The following BTC variants were observed in gnomAD, a reference collection of about 807,000 sequenced individuals.
The protein encoded by BTC is probetacellulin.
Under a neutral mutation model 18.1 loss-of-function variants are expected in BTC, and 13 were observed. The observed-to-expected ratio is 0.72, with a 90% CI of 0.47 to 1.14. The LOEUF (loss-of-function observed/expected upper bound fraction) is 1.14, where lower values mean the gene tolerates loss of function less well. Ranked by LOEUF, BTC falls within the 50% of genes most tolerant of loss-of-function variation. The pLI is 0.00. For missense variants in BTC, 247 were observed against 224.2 expected, an observed-to-expected ratio of 1.10 and a Z score of -0.65; for synonymous variants, 83 against 79.4, an observed-to-expected ratio of 1.05 and a Z score of -0.24.
chr4:74,756,070 A>C (rs1553956690), intron 2 of BTC, 94 bp from the exon 3 acceptor site: 1 of 1,158,542 alleles, frequency 8.6e-7, no homozygotes. Flanking sequence ...GTTTCTCTGT[A>C]GAATATGTTT....
chr4:74,767,913 G>A (rs946489859), intron 2 of BTC, among the ~76,000 whole-genome samples: 5 of 152,034 alleles, frequency 3.3e-5, no homozygotes, highest in Admixed American at 1.3e-4. Flanking sequence ...TTTAAGACCC[G>A]AAACAGTAAA....
intron 2 of BTC, among the ~76,000 whole-genome samples, chr4:74,768,315 T>C (rs544906092): frequency 6.6e-6 from 1 of 152,316 alleles, no homozygotes; most frequent in South Asian, 2.1e-4. Context: ...CCATGTTTAC[T>C]GTAGCATTAT....
At chr4:74,749,745 CAAAA>C (rs71220725) in intron 4 of BTC, among the ~76,000 whole-genome samples, 2 of 54,900 alleles carry the variant, frequency 3.6e-5, no homozygotes, top group African/African-American at 7.8e-5. Flanking sequence ...TCCTGCTCTG[CAAAA>C]AAAAAAAAAA....
chr4:74,755,987 AG>A lies in BTC; in HGVS notation c.164-12del. On this transcript the variant is annotated splice_polypyrimidine_tract_variant and intron_variant, in intron 2 of 5. Transcript: ENST00000395743. Reference sequence around the variant, plus strand: ...ATTGTGTGGTGGTAGCTGGAAAATGAGAAAAAGTTCAATAAATCAACTCTCT... The same window carrying A: ...ATTGTGTGGTGGTAGCTGGAAAATGAAAAAAGTTCAATAAATCAACTCTCT... 1.3e-6 allele frequency: 2 copies of A among 1,598,726 alleles called. No homozygotes were observed.
chr4:74,750,706 A>G lies in BTC; in HGVS notation c.295T>C (p.Tyr99His). ...ACTCTCTCACACCTTGCTCCAATGTAGCCTTCATCACAGCTATAAAACAAG... is the reference window on the plus strand; with the variant it reads ...ACTCTCTCACACCTTGCTCCAATGTGGCCTTCATCACAGCTATAAAACAAG... ...QTPSCVCDEGYIGARCERVDL... is the reference protein window; with the variant it reads ...QTPSCVCDEGHIGARCERVDL... The change falls in exon 4 of 6, where the codon TAC (tyrosine) becomes CAC (histidine). Residue 99 changes from tyrosine (Y) to histidine (H), a missense_variant. Transcript: ENST00000395743. 1 of 1,613,568 alleles carries G rather than the reference A, an allele frequency of 6.2e-7. No individual in the cohort carries two copies. The highest frequency in any genetic ancestry group is 8.5e-7 in the Non-Finnish European group (1 of 1,179,852).
intron 3 of BTC, among the ~76,000 whole-genome samples, chr4:74,755,356 A>G (rs1724569707): frequency 6.6e-6 from 1 of 152,346 alleles, no homozygotes; most frequent in Non-Finnish European, 1.5e-5. Flanking sequence ...GCTCAAATAC[A>G]AAGAGTTGAA....
intron 3 of BTC, among the ~76,000 whole-genome samples, chr4:74,751,175 T>C (rs1724449826): frequency 6.6e-6 from 1 of 152,188 alleles, no homozygotes; most frequent in South Asian, 2.1e-4. Flanking sequence ...TGATCAAATG[T>C]GCTAATGCAT....
chr4:74,764,762 G>C (rs1724852428), intron 2 of BTC, among the ~76,000 whole-genome samples: 1 of 152,156 alleles, frequency 6.6e-6, no homozygotes, highest in African/African-American at 2.4e-5. Context: ...TCACTTATAA[G>C]TGGGAGATAA....
At chr4:74,767,478 T>G (rs1400540938) in intron 2 of BTC, among the ~76,000 whole-genome samples, 1 of 151,916 alleles carries the variant, frequency 6.6e-6, no homozygotes, top group African/African-American at 2.4e-5. Flanking sequence ...ACTAAAAGAT[T>G]TAATATTGTT....
chr4:74,764,575 A>G (rs371690011), intron 2 of BTC, among the ~76,000 whole-genome samples: 3 of 152,210 alleles, frequency 2.0e-5, no homozygotes. Context: ...AAAAATTAGA[A>G]AACAGAGCCC....
intron 1 of BTC, among the ~76,000 whole-genome samples, chr4:74,785,873 T>C (rs1475414310): frequency 1.3e-5 from 2 of 152,162 alleles, no homozygotes; most frequent in Non-Finnish European, 2.9e-5. Context: ...GGAATAATAA[T>C]GATATCAACC....
intron 2 of BTC, among the ~76,000 whole-genome samples, chr4:74,757,078 C>T (rs1470767731): frequency 6.6e-6 from 1 of 152,146 alleles, no homozygotes; most frequent in Non-Finnish European, 1.5e-5. Flanking sequence ...TTGCAGGATC[C>T]AGATGCCTGT....
intron 1 of BTC, among the ~76,000 whole-genome samples, chr4:74,776,534 G>A (rs1725180261): frequency 6.6e-6 from 1 of 152,140 alleles, no homozygotes; most frequent in African/African-American, 2.4e-5. Flanking sequence ...AGATTCTCAA[G>A]TTAAATATTA....
intron 1 of BTC, among the ~76,000 whole-genome samples, chr4:74,785,410 C>T (rs1178409402): frequency 2.0e-5 from 3 of 152,066 alleles, no homozygotes; most frequent in African/African-American, 7.2e-5. Flanking sequence ...TTTTGCATGT[C>T]TCTGTCTCCT....
chr4:74,768,791 A>C (rs1354588962), intron 2 of BTC, among the ~76,000 whole-genome samples: 1 of 152,238 alleles, frequency 6.6e-6, no homozygotes, highest in East Asian at 1.9e-4. Context: ...GATGATGATG[A>C]GGAAGATTTT....
chr4:74,745,381 A>G lies in BTC; in HGVS notation c.*1296T>C, dbSNP rs371235254. The G allele has an allele frequency of 6.6e-6, 1 of 152,244 alleles. No individual in the cohort carries two copies. Among genetic ancestry groups the G allele is most frequent in the Non-Finnish European group, 1.5e-5 (1 of 68,044 alleles). The allele number at this position is 152,244 out of a possible 1,614,324, so 9.4% of individuals were successfully genotyped here. On this transcript the variant is annotated 3_prime_UTR_variant, in exon 6 of 6. Transcript: ENST00000395743. ...ATCTACATTGCAAAGTAAAATTTGCAAAGATTCTAAAAAAGAAGCTGCTTG... is the reference window on the plus strand; with the variant it reads ...ATCTACATTGCAAAGTAAAATTTGCGAAGATTCTAAAAAAGAAGCTGCTTG...
chr4:74,783,678 T>C (rs938528015), intron 1 of BTC, among the ~76,000 whole-genome samples: 1 of 150,748 alleles, frequency 6.6e-6, no homozygotes, highest in African/African-American at 2.4e-5. Flanking sequence ...TTAATGGGGA[T>C]AGCATTGAAT....
In BTC at chr4:74,780,892, GTTTCT is replaced by G. The variant is rs1256066259; in HGVS notation, c.65-10741_65-10737del. Among the ~76,000 whole-genome samples, 83 of 147,624 alleles carry G rather than the reference GTTTCT, an allele frequency of 5.6e-4. 1 individual carries two copies. The highest frequency in any genetic ancestry group is 1.7e-3 in the African/African-American group (68 of 39,792). ...TCCTTCCCAGGGAAGTCTACTGAGA[GTTTCT>G]TTTTTTTTTTTTAATTTTATTATTA... On this transcript the variant is annotated intron_variant, in intron 1 of 5. Transcript: ENST00000395743.
In BTC at chr4:74,770,075, G is replaced by A. The variant is rs776012923; in HGVS notation, c.146C>T (p.Pro49Leu). 1.1e-5 allele frequency: 17 copies of A among 1,610,340 alleles called. No homozygotes were observed. In the South Asian group the frequency reaches 1.8e-4, roughly 17 times the overall value. Residue 49 changes from proline to leucine, a missense_variant, in exon 2 of 6, where the codon CCT (proline) becomes CTT (leucine). Transcript: ENST00000395743. ...AACTTTACCTGCACAGTTTTCCTCA[G>A]GGTCTCCACAGAGGAGGCCATTAGT... ...PETNGLLCGD[P>L]EENCAATTTQ...
Sources: allele counts gnomAD v4.1 joint callset (sites outside exome capture counted in the v4.1 genomes callset), GRCh38; gene constraint gnomAD v4.1.1; transcripts MANE v1.5; gene names NCBI Gene and HGNC (gene_info 2026-07-23, HGNC 2026-07-21).